STAG2: variants seen among roughly 807,000 people sequenced by gnomAD.
The protein encoded by STAG2 is cohesin subunit SA-2.
Under a neutral mutation model 108.1 loss-of-function variants are expected in STAG2, and 14 were observed. The ratio of observed to expected loss-of-function variants is 0.13; its 90% CI spans 0.09 to 0.20. The LOEUF is 0.20. Among genes scored for constraint, STAG2 ranks in the 10% least tolerant of loss-of-function variants. The pLI, the probability that STAG2 is intolerant of heterozygous loss-of-function variation, is 1.00. For missense variants in STAG2, 440 were observed against 940.9 expected (o/e 0.47, Z 6.96); for synonymous variants, 307 against 302.7 (o/e 1.01, Z -0.15).
In STAG2 at chrX:124,079,374, C is replaced by T. The variant is rs763289853; in HGVS notation, c.2775+1316C>T. Among the ~76,000 whole-genome samples, 402 of 111,646 alleles carry T rather than the reference C, an allele frequency of 3.6e-3. 1 individual carries two copies. The highest frequency in any genetic ancestry group is 0.012 in the African/African-American group (370 of 30,900). ...TAGGATGGTCTCAATCTCCTGACCTCGTGATCCACCTGCCTCGGCCTCCCA... is the reference window on the plus strand; with the variant it reads ...TAGGATGGTCTCAATCTCCTGACCTTGTGATCCACCTGCCTCGGCCTCCCA... On this transcript the variant is annotated intron_variant, in intron 27 of 34. Coordinates refer to ENST00000371145, the MANE Select transcript of STAG2 (RefSeq NM_001042750.2).
intron 13 of STAG2, among the ~76,000 whole-genome samples, chrX:124,055,538 C>T (rs758470448): frequency 1.8e-5 from 2 of 112,255 alleles, no homozygotes; most frequent in Non-Finnish European, 3.8e-5. Context: ...TTATTTTGTT[C>T]TTTAAAGATA....
chrX:124,030,693 ATAG>A (rs2057305546), intron 4 of STAG2, among the ~76,000 whole-genome samples: 2 of 111,640 alleles, frequency 1.8e-5, no homozygotes, highest in Admixed American at 1.9e-4. Flanking sequence ...CACTCAGCTA[ATAG>A]TAGCAGAAAT....
At chrX:124,004,053 T>C (rs1003642905) in intron 1 of STAG2, among the ~76,000 whole-genome samples, 15 of 112,279 alleles carry the variant, frequency 1.3e-4, no homozygotes, top group African/African-American at 4.5e-4. Flanking sequence ...CATTAAGTGC[T>C]TTCACATTTG....
At chrX:124,066,112 G>A (rs2058516394) in intron 21 of STAG2, 63 bp from the exon 22 acceptor site, 1 of 949,765 alleles carries the variant, frequency 1.1e-6, no homozygotes, top group Admixed American at 4.1e-5. Flanking sequence ...CAAAACAATT[G>A]TCATTAGGCT....
chrX:123,972,041 T>C (rs1182660182), intron 1 of STAG2, among the ~76,000 whole-genome samples: 1 of 111,482 alleles, frequency 9.0e-6, no homozygotes, highest in Non-Finnish European at 1.9e-5. Context: ...TGAAAAAATA[T>C]TACTGGTGAA....
intron 1 of STAG2, among the ~76,000 whole-genome samples, chrX:123,994,293 A>C (rs1201953928): frequency 9.0e-6 from 1 of 111,647 alleles, no homozygotes; most frequent in Non-Finnish European, 1.9e-5. Flanking sequence ...AATCTCACTC[A>C]TTACCAAAAG....
intron 30 of STAG2, among the ~76,000 whole-genome samples, chrX:124,089,064 C>T (rs967114587): frequency 5.5e-5 from 6 of 108,491 alleles, no homozygotes; most frequent in African/African-American, 2.0e-4. Context: ...TACAAGCGCC[C>T]GCCACCGCAC....
At chrX:123,968,766 A>G (rs1307053219) in intron 1 of STAG2, among the ~76,000 whole-genome samples, 1 of 111,293 alleles carries the variant, frequency 9.0e-6, no homozygotes, top group Non-Finnish European at 1.9e-5. Context: ...ATTCTAAGAA[A>G]CTTAATTTAA....
At chrX:124,093,633 T>C (rs1373284843) in intron 32 of STAG2, among the ~76,000 whole-genome samples, 1 of 110,491 alleles carries the variant, frequency 9.1e-6, no homozygotes. Flanking sequence ...GATGAAAATA[T>C]ATGTTTTCTG....
At chrX:124,060,666 T>G (rs2058351481) in intron 15 of STAG2, among the ~76,000 whole-genome samples, 2 of 110,128 alleles carry the variant, frequency 1.8e-5, no homozygotes, top group South Asian at 7.8e-4. Flanking sequence ...CTCACACCTG[T>G]AATCCCAGCA....
intron 3 of STAG2, among the ~76,000 whole-genome samples, chrX:124,024,393 A>G (rs1017138899): frequency 9.0e-6 from 1 of 110,535 alleles, no homozygotes; most frequent in Non-Finnish European, 1.9e-5. Context: ...TTGCAAGACC[A>G]TATAGACATG....
At chrX:124,096,374 CT>C (rs1569522050) in intron 34 of STAG2, among the ~76,000 whole-genome samples, 4 of 111,370 alleles carry the variant, frequency 3.6e-5, no homozygotes. Context: ...TTTGTATAAG[CT>C]TTTTTCTGCC....
At chrX:123,996,422 T>G (rs935316727) in intron 1 of STAG2, among the ~76,000 whole-genome samples, 8 of 111,763 alleles carry the variant, frequency 7.2e-5, no homozygotes, top group Non-Finnish European at 1.9e-5. Flanking sequence ...ATTTACACTT[T>G]TTAGCGGATA....
At chrX:124,030,539 T>C (rs999534992) in intron 4 of STAG2, among the ~76,000 whole-genome samples, 36 of 112,282 alleles carry the variant, frequency 3.2e-4, no homozygotes, top group Non-Finnish European at 5.6e-4. Flanking sequence ...ATTTTTTGAC[T>C]TTATTATATG....
intron 25 of STAG2, among the ~76,000 whole-genome samples, chrX:124,075,689 T>G (rs187131866): frequency 1.4e-3 from 152 of 111,755 alleles, no homozygotes; most frequent in African/African-American, 4.7e-3. Context: ...TTCATCTAGT[T>G]TTATTTACAG....
chrX:124,093,588 G>A (rs2148501836), intron 32 of STAG2, among the ~76,000 whole-genome samples: 1 of 108,860 alleles, frequency 9.2e-6, no homozygotes, highest in East Asian at 2.9e-4. Context: ...GAATGAATGA[G>A]GGAGTGATGA....
At chrX:124,033,612 G>A (rs1602957985) in intron 5 of STAG2, among the ~76,000 whole-genome samples, 1 of 110,674 alleles carries the variant, frequency 9.0e-6, no homozygotes, top group Non-Finnish European at 1.9e-5. Context: ...AAATAAAAAA[G>A]TTAGCTGGGC....
At chrX:124,069,228 C>T (rs963635755) in intron 24 of STAG2, among the ~76,000 whole-genome samples, 8 of 112,258 alleles carry the variant, frequency 7.1e-5, no homozygotes, top group African/African-American at 2.6e-4. Flanking sequence ...ACATCATGTT[C>T]AATTCTAATT....
chrX:124,006,584 G>A (rs1231292914), intron 1 of STAG2, among the ~76,000 whole-genome samples: 4 of 109,220 alleles, frequency 3.7e-5, no homozygotes, highest in Non-Finnish European at 7.6e-5. Context: ...GACTACAGGT[G>A]CCCACCACCA....
Sources: gnomAD v4.1 joint callset for allele counts (sites outside exome capture counted in the v4.1 genomes callset) on GRCh38, gnomAD v4.1.1 for gene constraint, MANE v1.5 for transcripts, NCBI Gene and HGNC (gene_info 2026-07-23, HGNC 2026-07-21) for gene names.